Variants in VCL observed in about 807,000 individuals in gnomAD.
VCL encodes vinculin.
Under a neutral mutation model 125.7 loss-of-function variants are expected in VCL, and 47 were observed. The ratio of observed to expected loss-of-function variants is 0.37; its 90% CI spans 0.30 to 0.48. The LOEUF is 0.48. Ranked by LOEUF, VCL falls within the 20% of genes least tolerant of loss-of-function variation. VCL has a pLI of 0.99. For missense variants in VCL, 1,069 were observed against 1,455.5 expected (o/e 0.73, Z 4.32); for synonymous variants, 458 against 514.6 (o/e 0.89, Z 1.49).
At position 74,119,995 on chromosome 10, in the gene VCL, A is replaced by C. The variant is rs1840384665; in HGVS notation, c.*1826A>C. 1 of 145,774 alleles carries C rather than the reference A, an allele frequency of 6.9e-6. No homozygotes were observed. Among genetic ancestry groups the C allele is most frequent in the African/African-American group, 2.6e-5 (1 of 38,604 alleles). 9.0% of individuals were successfully genotyped at this position (145,774 alleles called of 1,614,324 possible). A position where few individuals can be genotyped will look rare whatever the true frequency, so the allele number is the denominator to read the frequency against. ...CTTTTCTCCAATATCAGTGCTCGAG[A>C]CACAGTGAAGCAAATTAAAAAAAAA... On this transcript the variant is annotated 3_prime_UTR_variant, in exon 22 of 22. Coordinates refer to ENST00000211998, the MANE Select transcript of VCL (RefSeq NM_014000.3).
chr10:74,026,544 AT>A (rs148969218), intron 1 of VCL, among the ~76,000 whole-genome samples: 6 of 150,870 alleles, frequency 4.0e-5, no homozygotes, highest in South Asian at 2.1e-4. Context: ...ATGAAAAATA[AT>A]TTTTTTTTTG....
At chr10:74,080,456 A>C (rs895320429) in intron 6 of VCL, among the ~76,000 whole-genome samples, 2 of 152,146 alleles carry the variant, frequency 1.3e-5, no homozygotes, top group Admixed American at 6.6e-5. Flanking sequence ...CAATGAGGTA[A>C]GGAGGGGGAA....
chr10:74,103,643 G>A (rs1564532303), intron 14 of VCL, among the ~76,000 whole-genome samples, 177 bp from the exon 15 acceptor site: 1 of 152,186 alleles, frequency 6.6e-6, no homozygotes, highest in Non-Finnish European at 1.5e-5. Flanking sequence ...CCTGTGAAGG[G>A]CCCATTCTGG....
At position 74,118,719 on chromosome 10, in the gene VCL, G is replaced by A. The variant is rs1040990942; in HGVS notation, c.*550G>A. ...TCAGAAGTGAGCTTTGCTGCTACAGGGGAAGGTGGCCTCTGTGGAGCCCCA... is the reference window on the plus strand; with the variant it reads ...TCAGAAGTGAGCTTTGCTGCTACAGAGGAAGGTGGCCTCTGTGGAGCCCCA... On this transcript the variant is annotated 3_prime_UTR_variant, in exon 22 of 22. Transcript: ENST00000211998. 3 of 174,316 alleles carry A rather than the reference G, an allele frequency of 1.7e-5. No homozygotes were observed. The highest frequency in any genetic ancestry group is 7.1e-5 in the African/African-American group (3 of 41,994). 10.8% of individuals were successfully genotyped at this position (174,316 alleles called of 1,614,324 possible).
chr10:74,017,268 C>T (rs576861797), intron 1 of VCL, among the ~76,000 whole-genome samples: 178 of 151,568 alleles, frequency 1.2e-3, no homozygotes, highest in Admixed American at 3.1e-3. Flanking sequence ...GGGATGGTCT[C>T]GATCTCCTGA....
At chr10:73,998,434 C>T in intron 1 of VCL, 59 bp downstream of exon 1, 1 of 1,311,736 alleles carries the variant, frequency 7.6e-7, no homozygotes, top group Non-Finnish European at 9.7e-7. Context: ...GGGCCCCGGC[C>T]CGCGTCGCGG....
At chr10:74,065,388 C>T (rs996688985) in intron 2 of VCL, among the ~76,000 whole-genome samples, 12 of 152,034 alleles carry the variant, frequency 7.9e-5, no homozygotes, top group Non-Finnish European at 1.8e-4. Flanking sequence ...CCACTTACCT[C>T]GGCCTCCCAG....
chr10:74,087,240 C>T (rs539315222), intron 8 of VCL, among the ~76,000 whole-genome samples: 1 of 151,394 alleles, frequency 6.6e-6, no homozygotes, highest in East Asian at 1.9e-4. Context: ...TTTTATATAC[C>T]CGGCAATAAA....
chr10:74,095,458 GCA>G, intron 11 of VCL, among the ~76,000 whole-genome samples, 196 bp from the exon 12 acceptor site: 1 of 152,090 alleles, frequency 6.6e-6, no homozygotes, highest in Non-Finnish European at 1.5e-5. Flanking sequence ...GTATGGTGGT[GCA>G]CACTTGTAGT....
intron 1 of VCL, among the ~76,000 whole-genome samples, chr10:74,039,014 C>G (rs180730006): frequency 6.6e-6 from 1 of 152,184 alleles, no homozygotes; most frequent in East Asian, 1.9e-4. Context: ...CAGGTTCAAG[C>G]GATTCTCTTG....
At position 74,016,445 on chromosome 10, in the gene VCL, T is replaced by C. The variant is rs1202866683; in HGVS notation, c.168+18070T>C. On this transcript the variant is annotated intron_variant, in intron 1 of 21. Coordinates refer to ENST00000211998, the MANE Select transcript of VCL (RefSeq NM_014000.3). ...GGGCAACATGACAAAACTCCTTCTC[T>C]ACAAAAAGTATAAAAATTAACTAGG... is the stretch of plus-strand genomic sequence containing the variant. Among the ~76,000 whole-genome samples, 2 of 152,000 alleles carry C rather than the reference T, an allele frequency of 1.3e-5. 1 individual carries two copies. Among genetic ancestry groups the C allele is most frequent in the East Asian group, 3.9e-4 (2 of 5,186 alleles).
At position 74,110,359 on chromosome 10, in the gene VCL, T is replaced by G. The variant is rs773089770; in HGVS notation, c.2745+1203T>G. ...AGCAGACAGCATTGGCCCACATTAC[T>G]TGCCCCACTCTGCCATTTGTGGCCA... On this transcript the variant is annotated intron_variant, in intron 18 of 21. Transcript: ENST00000211998. 1.9e-3 allele frequency among the ~76,000 whole-genome samples: 290 copies of G among 152,244 alleles called. 15 individuals are homozygous for G. Among genetic ancestry groups the G allele is most frequent in the Non-Finnish European group, 8.5e-4 (58 of 68,040 alleles).
intron 18 of VCL, among the ~76,000 whole-genome samples, chr10:74,110,813 G>C (rs902198510): frequency 6.6e-6 from 1 of 152,140 alleles, no homozygotes; most frequent in Non-Finnish European, 1.5e-5. Context: ...TGTATAAATG[G>C]TTTGGCTTCA....
rs749303911 is a variant in VCL, at chr10:74,114,348, G to C, written c.3114G>C (p.Lys1038Asn). The change falls in exon 20 of 22, where the codon AAG becomes AAC. Residue 1038 changes from lysine (K) to asparagine (N), a missense_variant. This residue lies in a region of VCL where 91 missense variants were observed against 203.9 expected (regional missense o/e 0.45). Transcript: ENST00000211998. Reference protein sequence around the residue: ...EVTRLAKEVAKQCTDKRIRTN... With the variant: ...EVTRLAKEVANQCTDKRIRTN... ...CTCGGTTGGCCAAGGAGGTTGCCAA[G>C]CAGTGCACAGATAAACGGATTAGAA... 1 of 1,613,868 alleles carries C rather than the reference G, an allele frequency of 6.2e-7. No individual in the cohort carries two copies. Among genetic ancestry groups the C allele is most frequent in the Non-Finnish European group, 8.5e-7 (1 of 1,179,994 alleles).
intron 18 of VCL, among the ~76,000 whole-genome samples, 163 bp from the exon 19 acceptor site, chr10:74,111,746 T>C (rs540533114): frequency 2.0e-5 from 3 of 152,296 alleles, no homozygotes; most frequent in East Asian, 1.9e-4. Flanking sequence ...AGGCTGAGAA[T>C]TCCCCCTTCT....
intron 1 of VCL, among the ~76,000 whole-genome samples, chr10:74,028,552 A>G (rs1383930231): frequency 6.6e-6 from 1 of 151,358 alleles, no homozygotes; most frequent in Non-Finnish European, 1.5e-5. Context: ...ATCCACCACC[A>G]TGCCCAACTA....
At chr10:74,025,927 A>G (rs1019959549) in intron 1 of VCL, among the ~76,000 whole-genome samples, 1 of 152,192 alleles carries the variant, frequency 6.6e-6, no homozygotes, top group Non-Finnish European at 1.5e-5. Flanking sequence ...GGGATCCTGG[A>G]GAAAAATGGG....
At chr10:74,039,585 C>T (rs1236132777) in intron 1 of VCL, among the ~76,000 whole-genome samples, 1 of 151,552 alleles carries the variant, frequency 6.6e-6, no homozygotes, top group African/African-American at 2.4e-5. Context: ...GAGTTTGAGA[C>T]CAGCCTGGGA....
At chr10:74,013,401 T>G (rs1840472782) in intron 1 of VCL, among the ~76,000 whole-genome samples, 1 of 152,058 alleles carries the variant, frequency 6.6e-6, no homozygotes, top group Non-Finnish European at 1.5e-5. Context: ...AATATGTAAG[T>G]GTGAATAAAA....
Sources: gnomAD v4.1 joint callset for allele counts (sites outside exome capture counted in the v4.1 genomes callset) on GRCh38, gnomAD v4.1.1 for gene constraint, gnomAD v4.1.1 regional missense constraint, MANE v1.5 for transcripts, NCBI Gene and HGNC (gene_info 2026-07-23, HGNC 2026-07-21) for gene names.